Variants in KAT8 observed in about 807,000 individuals in gnomAD.
KAT8 encodes the protein histone acetyltransferase KAT8.
KAT8 carries 40 observed loss-of-function variants against 62.9 expected under a neutral mutation model. That is an observed-to-expected ratio of 0.64 (90% CI 0.49 to 0.83). The LOEUF (loss-of-function observed/expected upper bound fraction) is 0.83, where lower values mean the gene tolerates loss of function less well. KAT8 is among the 40% of genes least tolerant of loss of function. KAT8 has a pLI of 0.00. For missense variants in KAT8, 387 were observed against 614.8 expected (o/e 0.63, Z 3.92); for synonymous variants, 278 against 254.5 (o/e 1.09, Z -0.88).
intron 5 of KAT8, 34 bp from the exon 6 acceptor site, chr16:31,128,016 T>G (rs745608087): frequency 1.3e-6 from 2 of 1,550,182 alleles, no homozygotes; most frequent in Admixed American, 3.3e-5. Context: ...AGAGAACATA[T>G]GGGCAGCGAA....
Position 31,130,559 on chromosome 16 carries a change from A to G in KAT8, c.1110A>G (p.Leu370=), listed in dbSNP as rs1549294. Residue 370 remains leucine (L), a synonymous_variant, in exon 9 of 11, where the codon CTA becomes CTG. Transcript: ENST00000219797. ...GCAGCTACTGGTCCTGGGTGCTGCT[A>G]GAGATCCTGCGGGACTTCCGGGGCA... ...SYRSYWSWVL[L]EILRDFRGTL... 1,604,195 of 1,614,214 alleles carry G rather than the reference A, an allele frequency of 0.99. 797,661 individuals carry two copies. The highest frequency in any genetic ancestry group is 1 in the East Asian group (44,884 of 44,884).
rs1233494298 is a variant in KAT8, at chr16:31,130,598, GGACCTCA to G, written c.1151_1157del (p.Asp384AlafsTer3). The G allele has an allele frequency of 6.2e-7, 1 of 1,614,188 alleles. No homozygotes were observed. The highest frequency in any genetic ancestry group is 8.5e-7 in the Non-Finnish European group (1 of 1,180,012). ...ACTTCCGGGGCACACTGTCCATCAA[GGACCTCA>G]GGTGAGGGGGCCTCCCGGGCCCTGG... On this transcript the variant is annotated frameshift_variant and splice_region_variant, in exon 9 of 11. Transcript: ENST00000219797. LOFTEE classifies it high-confidence loss of function.
chr16:31,128,073 C>G lies in KAT8; in HGVS notation c.705C>G (p.Pro235=), dbSNP rs752911708. The G allele has an allele frequency of 3.7e-6, 6 of 1,613,982 alleles. No homozygotes were observed. The Admixed American group carries it at 1.0e-4, about 27-fold the overall frequency. The change falls in exon 6 of 11, where the codon CCC becomes CCG. Residue 235 remains proline (P), a synonymous_variant. Coordinates refer to ENST00000219797, the MANE Select transcript of KAT8 (RefSeq NM_032188.3). ...FHLGQCQWRQ[P]PGKEIYRKSN... ...AGGGTCAGTGCCAGTGGCGGCAGCC[C>G]CCCGGGAAAGAGATCTACCGCAAGA...
At chr16:31,118,255 T>G in intron 1 of KAT8, 1 of 198,298 alleles carries the variant, frequency 5.0e-6, no homozygotes, top group Non-Finnish European at 1.0e-5. Context: ...CTGGCAGCCA[T>G]CCGCAGAGAG....
In KAT8 at chr16:31,130,731, C is replaced by T. The variant is rs1305697552; in HGVS notation, c.1158-15C>T. 6.2e-7 allele frequency: 1 copy of T among 1,613,910 alleles called. No individual in the cohort carries two copies. ...GGGCACCAGGTCTGGCATTTGCTCTCATCCCTTTTTGCAGCCAGATGACCA... is the reference window on the plus strand; with the variant it reads ...GGGCACCAGGTCTGGCATTTGCTCTTATCCCTTTTTGCAGCCAGATGACCA... On this transcript the variant is annotated splice_polypyrimidine_tract_variant and intron_variant, in intron 9 of 10. Coordinates refer to ENST00000219797, the MANE Select transcript of KAT8 (RefSeq NM_032188.3).
In KAT8 at chr16:31,117,882, T is replaced by C; in HGVS notation, c.201T>C (p.Asp67=). 2 of 1,380,764 alleles carry C rather than the reference T, an allele frequency of 1.4e-6. No homozygotes were observed. Among genetic ancestry groups the C allele is most frequent in the Non-Finnish European group, 1.9e-6 (2 of 1,056,904 alleles). 85.5% of individuals were successfully genotyped at this position (1,380,764 alleles called of 1,614,324 possible). Residue 67 remains aspartate (D), a synonymous_variant, in exon 1 of 11, where the codon GAT becomes GAC. Coordinates refer to ENST00000219797, the MANE Select transcript of KAT8 (RefSeq NM_032188.3). ...IGETYLCRRP[D]STWHSAEVIQ... ...AAACGTACCTGTGCCGGCGACCGGATAGCACCTGGCGTGAGGGCGGGGCCC... is the reference window on the plus strand; with the variant it reads ...AAACGTACCTGTGCCGGCGACCGGACAGCACCTGGCGTGAGGGCGGGGCCC...
intron 3 of KAT8, 109 bp from the exon 4 acceptor site, chr16:31,126,926 C>A: frequency 1.7e-6 from 2 of 1,190,546 alleles, no homozygotes; most frequent in Non-Finnish European, 2.5e-6. Flanking sequence ...TTATTGCCAT[C>A]CAGGAATGAG....
intron 6 of KAT8, among the ~76,000 whole-genome samples, chr16:31,129,528 G>A (rs1425200010): frequency 2.0e-5 from 3 of 152,166 alleles, no homozygotes; most frequent in Non-Finnish European, 4.4e-5. Context: ...GTGCCGTGAA[G>A]CCAAACTCGG....
At chr16:31,119,373 C>T (rs1408604525) in intron 1 of KAT8, among the ~76,000 whole-genome samples, 2 of 152,092 alleles carry the variant, frequency 1.3e-5, no homozygotes, top group African/African-American at 2.4e-5. Flanking sequence ...TGGTTTTGAC[C>T]TCTTAACCTC....
At chr16:31,124,550 G>T (rs1476319674) in intron 3 of KAT8, among the ~76,000 whole-genome samples, 3 of 152,054 alleles carry the variant, frequency 2.0e-5, no homozygotes, top group Admixed American at 1.3e-4. Context: ...TGGCCAACAT[G>T]GTGAAACCCT....
At position 31,128,044 on chromosome 16, in the gene KAT8, G is replaced by T. The variant is rs374531693; in HGVS notation, c.682-6G>T. The T allele has an allele frequency of 1.3e-5, 21 of 1,613,160 alleles. No individual in the cohort carries two copies. Among genetic ancestry groups the T allele is most frequent in the Middle Eastern group, 1.6e-4 (1 of 6,084 alleles). On this transcript the variant is annotated splice_polypyrimidine_tract_variant and splice_region_variant and intron_variant, in intron 5 of 10. Coordinates refer to ENST00000219797, the MANE Select transcript of KAT8 (RefSeq NM_032188.3). The stretch of plus-strand genomic sequence containing the variant: ...GCAGCGAACCTGTTCTCTTGTCCCC[G>T]ACCAGGGTCAGTGCCAGTGGCGGCA...
chr16:31,129,639 C>T (rs2143992579), intron 6 of KAT8, among the ~76,000 whole-genome samples: 1 of 152,272 alleles, frequency 6.6e-6, no homozygotes, highest in South Asian at 2.1e-4. Context: ...CATACTTAGA[C>T]TCGTGCTAGG....
chr16:31,120,310 G>A, intron 2 of KAT8, 29 bp from the exon 3 acceptor site: 1 of 1,614,146 alleles, frequency 6.2e-7, no homozygotes, highest in Non-Finnish European at 8.5e-7. Flanking sequence ...TGGCTGCCCT[G>A]GCAGCACTCT....
Position 31,117,784 on chromosome 16 carries a change from G to T in KAT8, c.103G>T (p.Ala35Ser). The T allele has an allele frequency of 7.1e-7, 1 of 1,402,014 alleles. No homozygotes were observed. The highest frequency in any genetic ancestry group is 3.0e-5 in the Admixed American group (1 of 32,894). 86.8% of individuals were successfully genotyped at this position (1,402,014 alleles called of 1,614,324 possible). A position where few individuals can be genotyped will look rare whatever the true frequency, so the allele number is the denominator to read the frequency against. The change falls in exon 1 of 11, where the codon GCC (alanine) becomes TCC (serine). Residue 35 changes from alanine to serine, a missense_variant. By Grantham distance (99) the Ala-to-Ser change is moderately conservative. This residue lies in a region of KAT8 where 92 missense variants were observed against 78.8 expected (regional missense o/e 1.17). Transcript: ENST00000219797. ...PGENAAAEGT[A>S]PSPGRVSPPT... The stretch of plus-strand genomic sequence containing the variant: ...GGAGAATGCGGCCGCTGAGGGGACC[G>T]CCCCATCCCCGGGCCGCGTCTCTCC...
chr16:31,120,122 G>A, intron 1 of KAT8, 64 bp from the exon 2 acceptor site: 1 of 1,364,526 alleles, frequency 7.3e-7, no homozygotes, highest in Non-Finnish European at 1.0e-6. Flanking sequence ...CTGCTTCTCA[G>A]TGTGCAGGAT....
At position 31,131,280 on chromosome 16, in the gene KAT8, G is replaced by A. The variant is rs753709413; in HGVS notation, c.*21G>A. ...AGTGAGCAGCCTGGCCCCTGCTGTCGGACCTGAGCCTCCTGGCTCCCAGCC... is the reference window on the plus strand; with the variant it reads ...AGTGAGCAGCCTGGCCCCTGCTGTCAGACCTGAGCCTCCTGGCTCCCAGCC... On this transcript the variant is annotated 3_prime_UTR_variant, in exon 11 of 11. Coordinates refer to ENST00000219797, the MANE Select transcript of KAT8 (RefSeq NM_032188.3). 11 of 1,613,820 alleles carry A rather than the reference G, an allele frequency of 6.8e-6. No homozygotes were observed. Among genetic ancestry groups the A allele is most frequent in the African/African-American group, 2.7e-5 (2 of 74,912 alleles).
intron 6 of KAT8, among the ~76,000 whole-genome samples, chr16:31,128,737 C>T (rs1039579115): frequency 9.2e-5 from 14 of 152,218 alleles, no homozygotes; most frequent in Admixed American, 5.2e-4. Flanking sequence ...TCTCTCCTTC[C>T]GTTGGAAAGA....
intron 6 of KAT8, among the ~76,000 whole-genome samples, 178 bp downstream of exon 6, chr16:31,128,317 G>A (rs2057548536): frequency 6.6e-6 from 1 of 152,168 alleles, no homozygotes; most frequent in African/African-American, 2.4e-5. Flanking sequence ...GGAGGCTGAG[G>A]TGGGCAGATT....
chr16:31,126,914 T>G (rs1032205575), intron 3 of KAT8, 121 bp from the exon 4 acceptor site: 1 of 1,068,342 alleles, frequency 9.4e-7, no homozygotes, highest in Non-Finnish European at 1.4e-6. Context: ...TTGGTGTGGT[T>G]ATTATTGCCA....
Sources: gnomAD v4.1 joint callset for allele counts (sites outside exome capture counted in the v4.1 genomes callset) on GRCh38, gnomAD v4.1.1 for gene constraint, gnomAD v4.1.1 regional missense constraint, MANE v1.5 for transcripts, NCBI Gene and HGNC (gene_info 2026-07-23, HGNC 2026-07-21) for gene names.